The following GABRG3 variants were observed in gnomAD, a reference collection of about 807,000 sequenced individuals.
GABRG3 encodes gamma-aminobutyric acid type A receptor subunit gamma3, also known as gamma-aminobutyric acid receptor subunit gamma-3.
GABRG3 carries 25 observed loss-of-function variants against 48.8 expected under a neutral mutation model. That is an observed-to-expected ratio of 0.51 (90% CI 0.37 to 0.72). The LOEUF (loss-of-function observed/expected upper bound fraction) is 0.72. Ranked by LOEUF, GABRG3 falls within the 30% of genes least tolerant of loss-of-function variation. The pLI, the probability that GABRG3 is intolerant of heterozygous loss-of-function variation, is 0.00. For missense variants in GABRG3, 394 were observed against 577.9 expected (o/e 0.68, Z 3.26); for synonymous variants, 227 against 217.6 (o/e 1.04, Z -0.38).
rs889855061 is a variant in GABRG3, at chr15:27,228,684, A to G, written c.271-98125A>G. On this transcript the variant is annotated intron_variant, in intron 3 of 9. Coordinates refer to ENST00000615808, the MANE Select transcript of GABRG3 (RefSeq NM_033223.5). ...TGAACTAATTTATGCTCCCACCAAC[A>G]GTGTATAAGGGTTCCCTTTTCTCTG... Among the ~76,000 whole-genome samples, 3 of 152,178 alleles carry G rather than the reference A, an allele frequency of 2.0e-5. No individual in the cohort carries two copies. In the South Asian group the frequency reaches 6.2e-4, roughly 31 times the overall value.
intron 3 of GABRG3, among the ~76,000 whole-genome samples, chr15:27,072,922 G>C (rs1242448885): frequency 6.6e-6 from 1 of 152,218 alleles, no homozygotes; most frequent in Non-Finnish European, 1.5e-5. Context: ...ACAGCCCACT[G>C]CTCTGGCCAG....
chr15:27,480,774 GACA>G lies in GABRG3; in HGVS notation c.702_704del (p.Thr235del). 1 of 1,613,722 alleles carries G rather than the reference GACA, an allele frequency of 6.2e-7. No homozygotes were observed. The highest frequency in any genetic ancestry group is 8.5e-7 in the Non-Finnish European group (1 of 1,179,786). On this transcript the variant is annotated inframe_deletion, in exon 6 of 10. Transcript: ENST00000615808. ...GCCTCAGAAACACCACAGAAATCGT[GACA>G]ACGTCTGCAGGTAGGAATTTACTGA...
intron 3 of GABRG3, among the ~76,000 whole-genome samples, chr15:27,192,609 T>A (rs1303655014): frequency 1.3e-5 from 2 of 152,198 alleles, no homozygotes; most frequent in Non-Finnish European, 2.9e-5. Flanking sequence ...TATTGGTTAT[T>A]CTAGTTATAC....
intron 6 of GABRG3, among the ~76,000 whole-genome samples, chr15:27,503,459 T>C (rs754215165): frequency 5.9e-5 from 9 of 152,298 alleles, no homozygotes; most frequent in Non-Finnish European, 1.3e-4. Flanking sequence ...GCTCTCCATT[T>C]CAGGAATCCT....
chr15:27,182,184 C>T (rs1887951888), intron 3 of GABRG3, among the ~76,000 whole-genome samples: 1 of 152,070 alleles, frequency 6.6e-6, no homozygotes, highest in South Asian at 2.1e-4. Flanking sequence ...TGGTGGAAGT[C>T]ACCGTCTACA....
intron 5 of GABRG3, among the ~76,000 whole-genome samples, chr15:27,474,170 A>G (rs1363302708): frequency 6.6e-6 from 1 of 152,192 alleles, no homozygotes; most frequent in East Asian, 1.9e-4. Flanking sequence ...TCATTTTCCT[A>G]AACACAGGCA....
chr15:27,126,501 C>T (rs1160547212), intron 3 of GABRG3, among the ~76,000 whole-genome samples: 1 of 152,170 alleles, frequency 6.6e-6, no homozygotes, highest in Non-Finnish European at 1.5e-5. Flanking sequence ...CTGGCTGTGG[C>T]TGTGGCTGCA....
At chr15:27,277,929 C>T (rs907281752) in intron 3 of GABRG3, among the ~76,000 whole-genome samples, 11 of 152,164 alleles carry the variant, frequency 7.2e-5, no homozygotes, top group Non-Finnish European at 8.8e-5. Flanking sequence ...GGGACCACAT[C>T]TATCATAATA....
intron 6 of GABRG3, among the ~76,000 whole-genome samples, chr15:27,492,183 G>T (rs1218786469): frequency 6.6e-6 from 1 of 152,136 alleles, no homozygotes; most frequent in East Asian, 1.9e-4. Flanking sequence ...TAGCTAGCCA[G>T]CCCCCAATTC....
intron 5 of GABRG3, among the ~76,000 whole-genome samples, chr15:27,404,200 G>A (rs1266398389): frequency 1.3e-5 from 2 of 152,278 alleles, no homozygotes; most frequent in East Asian, 1.9e-4. Context: ...TAGCCTGGGC[G>A]ACAGAGGGAG....
chr15:27,357,787 T>G (rs1423271467), intron 5 of GABRG3, among the ~76,000 whole-genome samples: 2 of 152,236 alleles, frequency 1.3e-5, no homozygotes, highest in Non-Finnish European at 2.9e-5. Context: ...CAGATAATGA[T>G]GCATACTCTT....
intron 2 of GABRG3, among the ~76,000 whole-genome samples, chr15:26,980,894 G>A: frequency 6.6e-6 from 1 of 151,924 alleles, no homozygotes; most frequent in Non-Finnish European, 1.5e-5. Context: ...CTGTTTTGTA[G>A]GGGAACAGCA....
At chr15:27,329,310 C>CTGGA (rs1893726515) in intron 5 of GABRG3, among the ~76,000 whole-genome samples, 1 of 152,156 alleles carries the variant, frequency 6.6e-6, no homozygotes, top group South Asian at 2.1e-4. Context: ...GTCGCCCAGG[C>CTGGA]TGGAGTGCAG....
chr15:27,174,932 T>C (rs574082162), intron 3 of GABRG3, among the ~76,000 whole-genome samples: 20 of 152,148 alleles, frequency 1.3e-4, no homozygotes, highest in Admixed American at 4.6e-4. Flanking sequence ...CATCGGCACA[T>C]GGACACGTGG....
At chr15:27,270,488 C>A (rs1891047263) in intron 3 of GABRG3, among the ~76,000 whole-genome samples, 1 of 152,228 alleles carries the variant, frequency 6.6e-6, no homozygotes, top group East Asian at 1.9e-4. Flanking sequence ...AAGCCCTGCA[C>A]AGAAATATTA....
At chr15:27,060,885 G>A (rs1288138063) in intron 3 of GABRG3, among the ~76,000 whole-genome samples, 1 of 152,116 alleles carries the variant, frequency 6.6e-6, no homozygotes, top group East Asian at 1.9e-4. Context: ...ACTACAAATA[G>A]TTCCATTGTT....
intron 3 of GABRG3, among the ~76,000 whole-genome samples, chr15:27,038,155 G>T (rs1309392163): frequency 6.6e-6 from 1 of 152,098 alleles, no homozygotes; most frequent in African/African-American, 2.4e-5. Context: ...AGACTGGGTA[G>T]TTTACATACT....
intron 5 of GABRG3, among the ~76,000 whole-genome samples, chr15:27,414,741 T>C (rs531088053): frequency 6.6e-6 from 1 of 152,314 alleles, no homozygotes; most frequent in South Asian, 2.1e-4. Context: ...TCTGAACATC[T>C]ACTGTCCAGA....
At chr15:27,010,611 A>C (rs1354534451) in intron 2 of GABRG3, among the ~76,000 whole-genome samples, 1 of 152,050 alleles carries the variant, frequency 6.6e-6, no homozygotes, top group Non-Finnish European at 1.5e-5. Context: ...TCTCTCTTGA[A>C]GCTCTTGCCT....
Sources: allele counts gnomAD v4.1 joint callset (sites outside exome capture counted in the v4.1 genomes callset), GRCh38; gene constraint gnomAD v4.1.1; transcripts MANE v1.5; gene names NCBI Gene and HGNC (gene_info 2026-07-23, HGNC 2026-07-21).